Variants in ZC2HC1A observed in about 807,000 individuals in gnomAD.
The protein encoded by ZC2HC1A is zinc finger C2HC domain-containing protein 1A.
ZC2HC1A carries 28 observed loss-of-function variants against 40.7 expected under a neutral mutation model. The observed-to-expected ratio is 0.69, with a 90% CI of 0.51 to 0.94. The LOEUF is 0.94. Ranked by LOEUF, ZC2HC1A falls within the 40% of genes least tolerant of loss-of-function variation. ZC2HC1A has a pLI of 0.00. For synonymous variants in ZC2HC1A, 129 were observed against 129.2 expected (o/e 1.00, Z 0.01); for missense variants, 389 against 386.3 (o/e 1.01, Z -0.06).
intron 2 of ZC2HC1A, among the ~76,000 whole-genome samples, chr8:78,676,851 G>A (rs1809597867): frequency 6.6e-6 from 1 of 151,588 alleles, no homozygotes; most frequent in Non-Finnish European, 1.5e-5. Flanking sequence ...TCATTTATGT[G>A]GTATTTAACT....
At position 78,686,524 on chromosome 8, in the gene ZC2HC1A, A is replaced by G; in HGVS notation, c.268A>G (p.Thr90Ala). 1 of 1,553,944 alleles carries G rather than the reference A, an allele frequency of 6.4e-7. No homozygotes were observed. The highest frequency in any genetic ancestry group is 8.7e-7 in the Non-Finnish European group (1 of 1,149,226). Residue 90 changes from threonine to alanine, a missense_variant, in exon 4 of 9, where the codon ACC (threonine) becomes GCC (alanine). By Grantham distance (58) the Thr-to-Ala change is moderately conservative (BLOSUM62 0). Transcript: ENST00000263849. ...AAGGAAACATGAAGAATTCATTGCT[A>G]CCATAAGAGCAGCTAAAGGCCTTGA... ...WRRKHEEFIA[T>A]IRAAKGLDQA...
chr8:78,672,819 C>G (rs1469560736), intron 1 of ZC2HC1A, among the ~76,000 whole-genome samples: 1 of 152,082 alleles, frequency 6.6e-6, no homozygotes, highest in Non-Finnish European at 1.5e-5. Flanking sequence ...TGTTTTACAG[C>G]AACTGACAAC....
intron 1 of ZC2HC1A, among the ~76,000 whole-genome samples, chr8:78,668,506 T>C (rs1053907781): frequency 6.6e-5 from 10 of 152,144 alleles, no homozygotes; most frequent in Non-Finnish European, 1.5e-4. Context: ...TCTTGAAAAT[T>C]TCTATTAAAG....
intron 2 of ZC2HC1A, among the ~76,000 whole-genome samples, chr8:78,678,185 A>G (rs1418726766): frequency 6.6e-6 from 1 of 152,122 alleles, no homozygotes; most frequent in African/African-American, 2.4e-5. Context: ...AGAATGCCTT[A>G]ACTATCTGGG....
chr8:78,689,083 A>T, intron 4 of ZC2HC1A, 139 bp from the exon 5 acceptor site: 1 of 457,292 alleles, frequency 2.2e-6, no homozygotes, highest in Non-Finnish European at 3.5e-6. Context: ...AAAACTGGGT[A>T]GTTATAAGGA....
intron 3 of ZC2HC1A, among the ~76,000 whole-genome samples, chr8:78,681,818 TATA>T (rs1809792323): frequency 6.6e-6 from 1 of 152,074 alleles, no homozygotes; most frequent in Admixed American, 6.5e-5. Context: ...ACAATTTCTT[TATA>T]ATATCTTCTT....
intron 7 of ZC2HC1A, among the ~76,000 whole-genome samples, chr8:78,704,950 GT>G (rs1199900858): frequency 6.6e-6 from 1 of 152,130 alleles, no homozygotes; most frequent in Admixed American, 6.5e-5. Context: ...GCTTTATCAG[GT>G]TGGTTATGTT....
intron 7 of ZC2HC1A, among the ~76,000 whole-genome samples, chr8:78,706,483 G>T (rs1193441526): frequency 1.3e-5 from 2 of 152,142 alleles, no homozygotes; most frequent in East Asian, 3.9e-4. Context: ...TTGACCCAAG[G>T]GTTGCAAAGA....
chr8:78,715,020 G>A (rs533459371), intron 7 of ZC2HC1A, among the ~76,000 whole-genome samples: 1 of 152,122 alleles, frequency 6.6e-6, no homozygotes, highest in Non-Finnish European at 1.5e-5. Flanking sequence ...TATCAGAATA[G>A]TATTAGTAAA....
intron 7 of ZC2HC1A, among the ~76,000 whole-genome samples, chr8:78,714,812 C>A (rs768973462): frequency 1.3e-5 from 2 of 151,708 alleles, no homozygotes; most frequent in Non-Finnish European, 3.0e-5. Context: ...CAAAAAAATT[C>A]TTTTTTTAAC....
intron 7 of ZC2HC1A, among the ~76,000 whole-genome samples, chr8:78,702,888 AATTTT>A (rs963621863): frequency 5.9e-5 from 9 of 151,834 alleles, no homozygotes; most frequent in Non-Finnish European, 7.4e-5. Flanking sequence ...TTATGTGATC[AATTTT>A]ATTTTATTTT....
At chr8:78,678,706 T>C (rs1254786318) in intron 3 of ZC2HC1A, 27 bp downstream of exon 3, 2 of 1,503,758 alleles carry the variant, frequency 1.3e-6, no homozygotes, top group East Asian at 4.6e-5. Context: ...TTGAACAGTA[T>C]GAACTTTGGT....
chr8:78,696,135 C>T (rs113678053), intron 5 of ZC2HC1A, among the ~76,000 whole-genome samples: 6 of 151,862 alleles, frequency 4.0e-5, no homozygotes, highest in African/African-American at 1.2e-4. Context: ...CCTGGGTTCA[C>T]GCCATTCTCC....
chr8:78,673,109 C>T (rs1290196803), intron 1 of ZC2HC1A, among the ~76,000 whole-genome samples: 1 of 152,014 alleles, frequency 6.6e-6, no homozygotes, highest in Non-Finnish European at 1.5e-5. Flanking sequence ...TGTTCCCCTC[C>T]CTGTGTCCAT....
intron 5 of ZC2HC1A, among the ~76,000 whole-genome samples, chr8:78,696,095 C>T (rs1252994870): frequency 1.3e-5 from 2 of 151,658 alleles, no homozygotes; most frequent in African/African-American, 4.8e-5. Flanking sequence ...AGTGCAGTGG[C>T]GTGATCTCGG....
At chr8:78,714,532 G>A (rs1166671599) in intron 7 of ZC2HC1A, among the ~76,000 whole-genome samples, 2 of 152,040 alleles carry the variant, frequency 1.3e-5, no homozygotes, top group African/African-American at 4.8e-5. Flanking sequence ...AGTAGCATTA[G>A]CATTTGAATC....
chr8:78,706,463 A>G (rs139029540), intron 7 of ZC2HC1A, among the ~76,000 whole-genome samples: 117 of 152,200 alleles, frequency 7.7e-4, no homozygotes, highest in African/African-American at 2.5e-3. Flanking sequence ...TGGCTTCACA[A>G]GGGCGTCTCT....
intron 7 of ZC2HC1A, among the ~76,000 whole-genome samples, chr8:78,705,576 A>G (rs1444690789): frequency 6.6e-6 from 1 of 152,060 alleles, no homozygotes; most frequent in Non-Finnish European, 1.5e-5. Context: ...CCTGCTTAAT[A>G]AAGCAGTCTG....
chr8:78,671,026 A>G (rs1411310138), intron 1 of ZC2HC1A, among the ~76,000 whole-genome samples: 2 of 152,206 alleles, frequency 1.3e-5, no homozygotes, highest in African/African-American at 2.4e-5. Flanking sequence ...GAGTCAAATG[A>G]ACGGTGATAG....
Sources: gnomAD v4.1 joint callset for allele counts (sites outside exome capture counted in the v4.1 genomes callset) on GRCh38, gnomAD v4.1.1 for gene constraint, MANE v1.5 for transcripts, NCBI Gene and HGNC (gene_info 2026-07-23, HGNC 2026-07-21) for gene names.